The following MAGI3 variants were observed in gnomAD, a reference collection of about 807,000 sequenced individuals.
MAGI3 encodes the protein membrane associated guanylate kinase, WW and PDZ domain containing 3.
MAGI3 carries 43 observed loss-of-function variants against 121.8 expected under a neutral mutation model. The observed-to-expected ratio is 0.35, with a 90% CI of 0.28 to 0.46. MAGI3 has a LOEUF of 0.46. Ranked by LOEUF, MAGI3 falls within the 20% of genes least tolerant of loss-of-function variation. MAGI3 has a pLI of 1.00. For missense variants in MAGI3, 1,547 were observed against 1,797.3 expected, an observed-to-expected ratio of 0.86 and a Z score of 2.52; for synonymous variants, 553 against 639.3, an observed-to-expected ratio of 0.86 and a Z score of 2.04.
At chr1:113,661,678 T>C (rs1205217202) in intron 16 of MAGI3, among the ~76,000 whole-genome samples, 2 of 152,206 alleles carry the variant, frequency 1.3e-5, no homozygotes, top group Non-Finnish European at 2.9e-5. Context: ...GCCCAAACAC[T>C]TGTGGACAGA....
chr1:113,601,056 T>C (rs1051786543), intron 6 of MAGI3, among the ~76,000 whole-genome samples: 4 of 152,172 alleles, frequency 2.6e-5, no homozygotes, highest in East Asian at 3.9e-4. Context: ...TTACACCTTA[T>C]ACAAAAATTA....
intron 1 of MAGI3, among the ~76,000 whole-genome samples, chr1:113,481,777 A>G (rs1178257176): frequency 2.1e-4 from 32 of 152,188 alleles, no homozygotes; most frequent in Non-Finnish European, 8.8e-5. Context: ...CCACACATTC[A>G]GTGACTTGAA....
At chr1:113,441,795 C>A (rs529145100) in intron 1 of MAGI3, among the ~76,000 whole-genome samples, 2 of 152,018 alleles carry the variant, frequency 1.3e-5, no homozygotes, top group Non-Finnish European at 2.9e-5. Flanking sequence ...ATGGAAGATT[C>A]GTCTTGGTTG....
chr1:113,571,617 A>T (rs565328088), intron 2 of MAGI3, among the ~76,000 whole-genome samples: 1 of 152,136 alleles, frequency 6.6e-6, no homozygotes, highest in South Asian at 2.1e-4. Flanking sequence ...TGTCCCTTGT[A>T]AGTTGGATTC....
At chr1:113,606,513 T>C (rs1169570572) in intron 6 of MAGI3, among the ~76,000 whole-genome samples, 1 of 152,180 alleles carries the variant, frequency 6.6e-6, no homozygotes, top group Non-Finnish European at 1.5e-5. Flanking sequence ...TTGTTTTCTT[T>C]TGTAGAAAGC....
chr1:113,585,901 G>A (rs566463638), intron 4 of MAGI3, among the ~76,000 whole-genome samples: 90 of 152,196 alleles, frequency 5.9e-4, no homozygotes, highest in African/African-American at 1.7e-3. Flanking sequence ...AGTCTTGTTG[G>A]CCTATGTCTT....
chr1:113,584,973 T>TAA (rs1648270957), intron 3 of MAGI3, among the ~76,000 whole-genome samples: 1 of 142,328 alleles, frequency 7.0e-6, no homozygotes, highest in Non-Finnish European at 1.5e-5. Context: ...TTTCCTTTTT[T>TAA]TTTTTTTTTT....
chr1:113,416,332 A>ACG (rs1652388972), intron 1 of MAGI3, among the ~76,000 whole-genome samples: 1 of 95,330 alleles, frequency 1.0e-5, no homozygotes, highest in Non-Finnish European at 2.4e-5. Context: ...TTAATTATAT[A>ACG]TCAATCATAT....
intron 6 of MAGI3, among the ~76,000 whole-genome samples, chr1:113,598,847 C>A (rs1398991937): frequency 6.6e-6 from 1 of 152,134 alleles, no homozygotes; most frequent in Non-Finnish European, 1.5e-5. Context: ...CAGAACAATT[C>A]TAACCAAGAA....
intron 19 of MAGI3, among the ~76,000 whole-genome samples, chr1:113,673,807 A>T (rs980635141): frequency 1.9e-4 from 29 of 152,348 alleles, no homozygotes; most frequent in African/African-American, 6.7e-4. Flanking sequence ...GTCTTGAGAA[A>T]GCGAGGATCA....
chr1:113,634,312 A>G (rs963352393), intron 9 of MAGI3, among the ~76,000 whole-genome samples: 4 of 152,026 alleles, frequency 2.6e-5, no homozygotes, highest in South Asian at 2.1e-4. Flanking sequence ...GTCCTTGCCC[A>G]TGCCTATGTC....
chr1:113,549,801 G>A (rs1203378985), intron 2 of MAGI3, among the ~76,000 whole-genome samples, 170 bp downstream of exon 2: 1 of 152,112 alleles, frequency 6.6e-6, no homozygotes, highest in African/African-American at 2.4e-5. Flanking sequence ...GAACTTGAGA[G>A]GTTTTGTTTT....
chr1:113,625,175 T>C (rs1314854846), intron 9 of MAGI3, among the ~76,000 whole-genome samples: 3 of 152,194 alleles, frequency 2.0e-5, no homozygotes, highest in Non-Finnish European at 4.4e-5. Context: ...TTGGCTATTC[T>C]GGGTCTTTTG....
chr1:113,618,145 A>G (rs957829502), intron 7 of MAGI3, among the ~76,000 whole-genome samples: 1 of 147,852 alleles, frequency 6.8e-6, no homozygotes, highest in East Asian at 2.0e-4. Flanking sequence ...CGTGGACAAC[A>G]TAGTAAGACC....
At chr1:113,571,213 T>C (rs2101703453) in intron 2 of MAGI3, among the ~76,000 whole-genome samples, 1 of 152,246 alleles carries the variant, frequency 6.6e-6, no homozygotes, top group East Asian at 1.9e-4. Context: ...AGATATGTGG[T>C]GTCATGTCTG....
Position 113,671,755 on chromosome 1 carries a change from G to C in MAGI3, c.2837G>C (p.Gly946Ala). The C allele has an allele frequency of 6.2e-7, 1 of 1,614,184 alleles. No homozygotes were observed. The highest frequency in any genetic ancestry group is 1.3e-5 in the African/African-American group (1 of 75,056). ...AEEEHHGPPS[G>A]TNSARQSPAL... ...ACAGAGCATCATGGTCCACCATCAG[G>C]AACAAACTCAGCCAGGCAAAGCCCA... The change falls in exon 17 of 21, where the codon GGA (glycine) becomes GCA (alanine). Residue 946 changes from glycine to alanine, a missense_variant. Coordinates refer to ENST00000307546, the MANE Select transcript of MAGI3 (RefSeq NM_001142782.2).
At chr1:113,602,905 G>A (rs949748922) in intron 6 of MAGI3, among the ~76,000 whole-genome samples, 5 of 151,634 alleles carry the variant, frequency 3.3e-5, no homozygotes, top group African/African-American at 9.7e-5. Context: ...TCCAGTCTGC[G>A]AAACAGAACG....
At chr1:113,637,092 C>T (rs1652083368) in intron 9 of MAGI3, among the ~76,000 whole-genome samples, 1 of 152,112 alleles carries the variant, frequency 6.6e-6, no homozygotes, top group South Asian at 2.1e-4. Flanking sequence ...GTAGATCTTC[C>T]TCCATCCTTT....
At chr1:113,417,502 C>T (rs1051112299) in intron 1 of MAGI3, among the ~76,000 whole-genome samples, 1 of 152,128 alleles carries the variant, frequency 6.6e-6, no homozygotes, top group Non-Finnish European at 1.5e-5. Context: ...CAGTCTTGAA[C>T]TCCTGGGCTC....
Sources: gnomAD v4.1 joint callset for allele counts (sites outside exome capture counted in the v4.1 genomes callset) on GRCh38, gnomAD v4.1.1 for gene constraint, MANE v1.5 for transcripts, NCBI Gene and HGNC (gene_info 2026-07-23, HGNC 2026-07-21) for gene names.